The following CCSER1 variants were observed in gnomAD, a reference collection of about 807,000 sequenced individuals.
The protein encoded by CCSER1 is coiled-coil serine rich protein 1, also known as serine-rich coiled-coil domain-containing protein 1.
In CCSER1, 41 loss-of-function variants were observed where a neutral mutation model predicts 82.0. That is an observed-to-expected ratio of 0.50 (90% CI 0.39 to 0.65). CCSER1 has a LOEUF of 0.65. Among genes scored for constraint, CCSER1 ranks in the 30% least tolerant of loss-of-function variants. CCSER1 has a pLI of 0.00. For synonymous variants in CCSER1, 414 were observed against 383.9 expected, an observed-to-expected ratio of 1.08 and a Z score of -0.92; for missense variants, 1,119 against 1,064.2, an observed-to-expected ratio of 1.05 and a Z score of -0.72.
intron 3 of CCSER1, among the ~76,000 whole-genome samples, chr4:90,317,847 A>C (rs1308000238): frequency 6.6e-6 from 1 of 152,170 alleles, no homozygotes; most frequent in African/African-American, 2.4e-5. Context: ...CCCTGTAATA[A>C]AATACTTTGA....
At chr4:91,089,062 A>G (rs1402883270) in intron 10 of CCSER1, among the ~76,000 whole-genome samples, 1 of 152,208 alleles carries the variant, frequency 6.6e-6, no homozygotes, top group Non-Finnish European at 1.5e-5. Context: ...GTAGCTTTTA[A>G]TCAGCTGAAA....
intron 10 of CCSER1, among the ~76,000 whole-genome samples, chr4:91,089,652 G>A (rs890665192): frequency 3.3e-5 from 5 of 152,130 alleles, no homozygotes; most frequent in Non-Finnish European, 7.3e-5. Context: ...TTTATCATTT[G>A]AAGAAGTACA....
intron 6 of CCSER1, among the ~76,000 whole-genome samples, chr4:90,691,411 A>G (rs1425954083): frequency 1.3e-5 from 2 of 151,976 alleles, no homozygotes; most frequent in Non-Finnish European, 2.9e-5. Flanking sequence ...CCATAATCCC[A>G]TACATATGTG....
In CCSER1 at chr4:90,308,818, G is replaced by A. The variant is rs1322304022; in HGVS notation, c.534G>A (p.Arg178=). The part of the protein sequence containing the change: ...QTRRSVKQST[R]KLLPKSFSSH... ...GTCGTTCTGTTAAGCAGTCAACAAG[G>A]AAGCTACTCCCTAAATCTTTTTCAT... The change falls in exon 2 of 11, where the codon AGG becomes AGA. Residue 178 remains arginine, a synonymous_variant. Coordinates refer to ENST00000509176, the MANE Select transcript of CCSER1 (RefSeq NM_001145065.2). 6.2e-7 allele frequency: 1 copy of A among 1,613,762 alleles called. No homozygotes were observed. Among genetic ancestry groups the A allele is most frequent in the South Asian group, 1.1e-5 (1 of 91,056 alleles).
chr4:90,591,807 G>A (rs535639322), intron 5 of CCSER1, among the ~76,000 whole-genome samples: 2 of 152,252 alleles, frequency 1.3e-5, no homozygotes, highest in African/African-American at 4.8e-5. Context: ...GTGATAGACC[G>A]GATAAAGAAA....
chr4:90,393,793 T>TTTTTTC (rs1299873219), intron 3 of CCSER1, among the ~76,000 whole-genome samples: 1 of 145,754 alleles, frequency 6.9e-6, no homozygotes, highest in East Asian at 2.0e-4. Context: ...TTTTTTTTTT[T>TTTTTTC]TGGGACAGGA....
At chr4:91,443,186 C>T (rs1032152971) in intron 10 of CCSER1, among the ~76,000 whole-genome samples, 103 of 152,082 alleles carry the variant, frequency 6.8e-4, no homozygotes, top group Non-Finnish European at 1.1e-3. Flanking sequence ...ATGTTTATTG[C>T]GGCACTATTC....
At chr4:90,152,192 C>T (rs1726991543) in intron 1 of CCSER1, among the ~76,000 whole-genome samples, 1 of 152,174 alleles carries the variant, frequency 6.6e-6, no homozygotes, top group South Asian at 2.1e-4. Flanking sequence ...TCTGCTCTAT[C>T]ACCTGAGATC....
Position 91,592,522 on chromosome 4 carries a change from A to G in CCSER1, c.2218-6050A>G, listed in dbSNP as rs185598906. Among the ~76,000 whole-genome samples, 208 of 152,274 alleles carry G rather than the reference A, an allele frequency of 1.4e-3. 1 individual carries two copies. The highest frequency in any genetic ancestry group is 4.8e-3 in the African/African-American group (198 of 41,574). On this transcript the variant is annotated intron_variant, in intron 10 of 10. Coordinates refer to ENST00000509176, the MANE Select transcript of CCSER1 (RefSeq NM_001145065.2). ...AGGTCTCATTAATAGGAAACCATGAACTTATTCAGAAGACACATTTCTCAG... is the reference window on the plus strand; with the variant it reads ...AGGTCTCATTAATAGGAAACCATGAGCTTATTCAGAAGACACATTTCTCAG...
chr4:90,777,237 A>G (rs919636844), intron 7 of CCSER1, among the ~76,000 whole-genome samples: 3 of 150,854 alleles, frequency 2.0e-5, no homozygotes, highest in Non-Finnish European at 4.4e-5. Flanking sequence ...GGCGCCTGTA[A>G]TCCCAGCTAC....
intron 10 of CCSER1, among the ~76,000 whole-genome samples, chr4:91,513,885 G>A (rs936815411): frequency 6.6e-6 from 1 of 151,668 alleles, no homozygotes; most frequent in Non-Finnish European, 1.5e-5. Context: ...TATCAATGTT[G>A]TTTATCCTCT....
intron 10 of CCSER1, among the ~76,000 whole-genome samples, chr4:91,094,238 G>T (rs770681362): frequency 8.5e-5 from 13 of 152,164 alleles, no homozygotes; most frequent in East Asian, 1.9e-4. Context: ...GAAGATGGTG[G>T]GGTAATTTTT....
At chr4:91,574,341 A>G (rs905055082) in intron 10 of CCSER1, among the ~76,000 whole-genome samples, 10 of 152,226 alleles carry the variant, frequency 6.6e-5, no homozygotes, top group Non-Finnish European at 1.2e-4. Context: ...CAGTGTGTAC[A>G]TTTCTCAAGA....
chr4:91,242,920 A>G (rs538268455), intron 10 of CCSER1, among the ~76,000 whole-genome samples: 1 of 152,300 alleles, frequency 6.6e-6, no homozygotes, highest in Non-Finnish European at 1.5e-5. Flanking sequence ...TTCTCTGCAC[A>G]CAGAGAAGCT....
At chr4:90,827,856 A>T (rs1760660039) in intron 8 of CCSER1, among the ~76,000 whole-genome samples, 1 of 152,168 alleles carries the variant, frequency 6.6e-6, no homozygotes, top group South Asian at 2.1e-4. Context: ...ATTGCAGGAA[A>T]GACAACTGAA....
At chr4:90,198,858 A>AT (rs1737105800) in intron 1 of CCSER1, among the ~76,000 whole-genome samples, 1 of 151,944 alleles carries the variant, frequency 6.6e-6, no homozygotes, top group Non-Finnish European at 1.5e-5. Flanking sequence ...GCTAATATAA[A>AT]TGTTTTGAAA....
Position 91,599,612 on chromosome 4 carries a change from T to C in CCSER1, c.*555T>C, listed in dbSNP as rs961278671. 6.6e-6 allele frequency: 1 copy of C among 152,202 alleles called. No homozygotes were observed. The highest frequency in any genetic ancestry group is 2.4e-5 in the African/African-American group (1 of 41,466). The allele number at this position is 152,202 out of a possible 1,614,324, so 9.4% of individuals were successfully genotyped here. ...GATGTGTTTGTCTCTATTACATACA[T>C]TCAAGCTCATCTTGTGATACTAGTA... is the stretch of plus-strand genomic sequence containing the variant. On this transcript the variant is annotated 3_prime_UTR_variant, in exon 11 of 11. Transcript: ENST00000509176.
chr4:91,350,307 A>G (rs1300103741), intron 10 of CCSER1, among the ~76,000 whole-genome samples: 1 of 152,168 alleles, frequency 6.6e-6, no homozygotes, highest in Non-Finnish European at 1.5e-5. Context: ...AACTTTAAGG[A>G]AAAATTAATT....
Position 91,437,107 on chromosome 4 carries a change from T to C in CCSER1, c.2218-161465T>C, listed in dbSNP as rs115309793. ...AGGCCATGCTTAGTGTCCTTGCCTTTGCATTTAAATTAAGATTCAGACTTT... is the reference window on the plus strand; with the variant it reads ...AGGCCATGCTTAGTGTCCTTGCCTTCGCATTTAAATTAAGATTCAGACTTT... On this transcript the variant is annotated intron_variant, in intron 10 of 10. Transcript: ENST00000509176. Among the ~76,000 whole-genome samples, 1,228 of 152,322 alleles carry C rather than the reference T, an allele frequency of 8.1e-3. 17 individuals carry two copies. The highest frequency in any genetic ancestry group is 0.028 in the African/African-American group (1,159 of 41,578).
Sources: gnomAD v4.1 joint callset for allele counts (sites outside exome capture counted in the v4.1 genomes callset) on GRCh38, gnomAD v4.1.1 for gene constraint, MANE v1.5 for transcripts, NCBI Gene and HGNC (gene_info 2026-07-23, HGNC 2026-07-21) for gene names.